DAB1: variants seen among roughly 807,000 people sequenced by gnomAD.
The protein encoded by DAB1 is disabled homolog 1.
In DAB1, 15 loss-of-function variants were observed where a neutral mutation model predicts 64.6. The observed-to-expected ratio is 0.23, with a 90% confidence interval of 0.16 to 0.36. DAB1 has a LOEUF of 0.36. DAB1 is among the 10% of genes least tolerant of loss of function. The probability of loss-of-function intolerance (pLI) is 1.00; values close to 1 mark genes in which losing one functional copy is unlikely to be tolerated. For synonymous variants in DAB1, 235 were observed against 251.9 expected (o/e 0.93, Z 0.64); for missense variants, 596 against 706.7 (o/e 0.84, Z 1.78).
intron 4 of DAB1, among the ~76,000 whole-genome samples, chr1:58,226,755 G>A (rs916871841): frequency 1.3e-5 from 2 of 152,170 alleles, no homozygotes; most frequent in Non-Finnish European, 2.9e-5. Context: ...TTTTACAGAT[G>A]AGGAAATTAA....
At chr1:57,621,206 C>T (rs780627226) in intron 7 of DAB1, among the ~76,000 whole-genome samples, 2 of 150,296 alleles carry the variant, frequency 1.3e-5, no homozygotes, top group South Asian at 2.1e-4. Flanking sequence ...TGCACATGCA[C>T]GTGTGTGAGA....
intron 1 of DAB1, among the ~76,000 whole-genome samples, chr1:57,335,232 C>A (rs921289966): frequency 6.6e-6 from 1 of 151,428 alleles, no homozygotes; most frequent in Non-Finnish European, 1.5e-5. Context: ...TAAAGAGCAA[C>A]TTTACGTGCC....
At chr1:57,249,398 T>G (rs893323366) in intron 2 of DAB1, among the ~76,000 whole-genome samples, 1 of 152,164 alleles carries the variant, frequency 6.6e-6, no homozygotes, top group African/African-American at 2.4e-5. Flanking sequence ...TGAGACAAGG[T>G]CTCACTCCAT....
chr1:57,771,658 A>C (rs1423426245), intron 6 of DAB1, among the ~76,000 whole-genome samples: 1 of 152,058 alleles, frequency 6.6e-6, no homozygotes, highest in Non-Finnish European at 1.5e-5. Flanking sequence ...AAATTCGTAC[A>C]CCTGTACATC....
rs941351073 is a variant in DAB1 at position 58,539,400 on chromosome 1, G to A, written n.32+7303C>T. ...CACTTATTAAATAGGCGTGTCAGTT[G>A]TTCTTCTAACACATCTCAGGCTAAA... On this transcript the variant is annotated intron_variant and non_coding_transcript_variant, in intron 1 of 20. Coordinates refer to the DAB1 transcript ENST00000485760. 10 of 653,462 alleles carry A rather than the reference G, an allele frequency of 1.5e-5. No homozygotes were observed. The African/African-American group carries it at 1.8e-4, about 12-fold the overall frequency. 40.5% of individuals were successfully genotyped at this position (653,462 alleles called of 1,614,324 possible). A position where few individuals can be genotyped will look rare whatever the true frequency, so the allele number is the denominator to read the frequency against.
In DAB1 at chr1:57,164,122, C is replaced by A. The variant is rs528992830; in HGVS notation, c.68-18693G>T. Among the ~76,000 whole-genome samples, 28 of 152,222 alleles carry A rather than the reference C, an allele frequency of 1.8e-4. 1 individual carries two copies. Among genetic ancestry groups the A allele is most frequent in the African/African-American group, 6.5e-4 (27 of 41,520 alleles). On this transcript the variant is annotated intron_variant, in intron 2 of 14. Coordinates refer to ENST00000371236, the MANE Select transcript of DAB1 (RefSeq NM_001365792.1). ...TTGAGGTCTCGGAATGAAATGAGGA[C>A]AAGGGAAAGTGCCTGGCCTGTCTGG...
intron 5 of DAB1, among the ~76,000 whole-genome samples, chr1:58,059,959 C>G (rs986419551): frequency 6.6e-6 from 1 of 152,134 alleles, no homozygotes; most frequent in East Asian, 1.9e-4. Flanking sequence ...TTCCTGGGAG[C>G]TCCCGGGAAG....
At chr1:58,194,627 C>G (rs1657569533) in intron 4 of DAB1, among the ~76,000 whole-genome samples, 1 of 152,188 alleles carries the variant, frequency 6.6e-6, no homozygotes, top group African/African-American at 2.4e-5. Context: ...TAACCTAAAT[C>G]CACTCTACTG....
intron 8 of DAB1, among the ~76,000 whole-genome samples, chr1:57,065,056 C>T (rs929445751): frequency 6.6e-6 from 1 of 152,144 alleles, no homozygotes; most frequent in Non-Finnish European, 1.5e-5. Flanking sequence ...CCGCAGCTGC[C>T]TCTCAATTAT....
At chr1:57,667,917 C>T (rs1249455800) in intron 6 of DAB1, among the ~76,000 whole-genome samples, 1 of 152,022 alleles carries the variant, frequency 6.6e-6, no homozygotes, top group African/African-American at 2.4e-5. Flanking sequence ...AGGACAAATA[C>T]CTCATGCATG....
chr1:58,437,684 T>C (rs955585641), intron 3 of DAB1, among the ~76,000 whole-genome samples: 1 of 152,202 alleles, frequency 6.6e-6, no homozygotes, highest in African/African-American at 2.4e-5. Context: ...GGCTGACACC[T>C]AGTAGAAAAT....
chr1:57,905,326 C>T, intron 5 of DAB1, among the ~76,000 whole-genome samples: 1 of 151,940 alleles, frequency 6.6e-6, no homozygotes, highest in East Asian at 2.0e-4. Context: ...AAGGGTATCA[C>T]AGCAGTTGAG....
chr1:57,663,769 A>T (rs750527408), intron 6 of DAB1, among the ~76,000 whole-genome samples: 29 of 152,154 alleles, frequency 1.9e-4, no homozygotes, highest in Non-Finnish European at 4.0e-4. Flanking sequence ...CCTTATTAAT[A>T]TTACATTCTT....
At chr1:57,263,648 G>A (rs1431982832) in intron 2 of DAB1, among the ~76,000 whole-genome samples, 1 of 152,132 alleles carries the variant, frequency 6.6e-6, no homozygotes, top group East Asian at 1.9e-4. Flanking sequence ...GAGCCATTAG[G>A]AGAAAATGTA....
chr1:57,429,519 T>A (rs912096705), intron 7 of DAB1, among the ~76,000 whole-genome samples: 2 of 152,242 alleles, frequency 1.3e-5, no homozygotes, highest in African/African-American at 4.8e-5. Context: ...CTACTTTCAC[T>A]TTTGTTGCCT....
chr1:57,096,578 C>G (rs1438650012), intron 4 of DAB1, among the ~76,000 whole-genome samples: 5 of 152,158 alleles, frequency 3.3e-5, no homozygotes, highest in African/African-American at 1.2e-4. Flanking sequence ...CTTGAACTCA[C>G]TGGGCCCTGG....
chr1:57,737,272 G>C (rs959858522), intron 6 of DAB1, among the ~76,000 whole-genome samples: 2 of 152,170 alleles, frequency 1.3e-5, no homozygotes, highest in Admixed American at 6.5e-5. Flanking sequence ...TAACTCCGTG[G>C]CATAGAACCA....
At chr1:58,416,518 A>G (rs1409326403) in intron 3 of DAB1, among the ~76,000 whole-genome samples, 1 of 152,216 alleles carries the variant, frequency 6.6e-6, no homozygotes, top group African/African-American at 2.4e-5. Flanking sequence ...AACTACAGGC[A>G]GCTATGAGCA....
At chr1:57,695,385 A>AG (rs1646826471) in intron 6 of DAB1, among the ~76,000 whole-genome samples, 1 of 74,228 alleles carries the variant, frequency 1.3e-5, no homozygotes, top group Non-Finnish European at 3.0e-5. Context: ...AGAAAGAAAG[A>AG]AAGAAAGAAA....
Sources: gnomAD v4.1 joint callset for allele counts (sites outside exome capture counted in the v4.1 genomes callset) on GRCh38, gnomAD v4.1.1 for gene constraint, MANE v1.5 for transcripts, NCBI Gene and HGNC (gene_info 2026-07-23, HGNC 2026-07-21) for gene names.